Variants in DGAT2 observed in about 807,000 individuals in gnomAD.
DGAT2 encodes diacylglycerol O-acyltransferase 2.
Under a neutral mutation model 48.4 loss-of-function variants are expected in DGAT2, and 33 were observed. The observed-to-expected ratio is 0.68, with a 90% CI of 0.52 to 0.91. The LOEUF is 0.91. Among genes scored for constraint, DGAT2 ranks in the 40% least tolerant of loss-of-function variants. The probability of loss-of-function intolerance (pLI) is 0.00; values close to 1 mark genes in which losing one functional copy is unlikely to be tolerated. For missense variants in DGAT2, 446 were observed against 493.7 expected (o/e 0.90, Z 0.92); for synonymous variants, 191 against 194.1 (o/e 0.98, Z 0.13).
At chr11:75,778,493 C>A (rs944327351) in intron 1 of DGAT2, among the ~76,000 whole-genome samples, 2 of 152,186 alleles carry the variant, frequency 1.3e-5, no homozygotes, top group South Asian at 4.1e-4. Context: ...CCAGTAGCCA[C>A]CACTTAATCA....
rs147620761 is a variant in DGAT2 at position 75,797,188 on chromosome 11, A to C, written c.665A>C (p.Asp222Ala). 7 of 1,544,132 alleles carry C rather than the reference A, an allele frequency of 4.5e-6. No individual in the cohort carries two copies. The highest frequency in any genetic ancestry group is 2.8e-5 in the African/African-American group (2 of 72,018). Residue 222 changes from aspartate to alanine, a missense_variant, in exon 6 of 8, where the codon GAC (aspartate) becomes GCC (alanine). Physicochemically the swap from Asp to Ala is moderately radical, Grantham distance 126. Transcript: ENST00000228027. Reference protein sequence around the residue: ...GICPVSRDTIDYLLSKNGSGN... With the variant: ...GICPVSRDTIAYLLSKNGSGN... ...TGCCCTGTCAGCCGGGACACCATAG[A>C]CTATTTGCTTTCAAAGAATGGGAGT...
intron 1 of DGAT2, among the ~76,000 whole-genome samples, chr11:75,777,712 G>C (rs977636845): frequency 1.3e-5 from 2 of 152,140 alleles, no homozygotes; most frequent in Admixed American, 1.3e-4. Context: ...TGCCAGTATG[G>C]AGGTGAGGTG....
chr11:75,790,245 C>T lies in DGAT2; in HGVS notation c.308C>T (p.Ala103Val), dbSNP rs1944971518. Residue 103 changes from alanine (A) to valine (V), a missense_variant, in exon 3 of 8, where the codon GCT becomes GTT. By Grantham distance (64) the Ala-to-Val change is moderately conservative. Transcript: ENST00000228027. ...TTCTGCACTGATTGCTGGCTCATCG[C>T]TGTGCTCTACTTCACTTGGCTGGTG... is the stretch of plus-strand genomic sequence containing the variant. ...YIFCTDCWLI[A>V]VLYFTWLVFD... The T allele has an allele frequency of 6.2e-7, 1 of 1,614,094 alleles. No individual in the cohort carries two copies. The highest frequency in any genetic ancestry group is 8.5e-7 in the Non-Finnish European group (1 of 1,180,034).
At chr11:75,793,930 A>G (rs1055453374) in intron 4 of DGAT2, 3 of 152,246 alleles carry the variant, frequency 2.0e-5, no homozygotes, top group Non-Finnish European at 4.4e-5. Flanking sequence ...AACAGAGCTC[A>G]TGTAAACGAG....
Position 75,800,572 on chromosome 11 carries a change from T to C in DGAT2, c.*64T>C. 6.4e-7 allele frequency: 1 copy of C among 1,566,068 alleles called. No homozygotes were observed. Among genetic ancestry groups the C allele is most frequent in the Non-Finnish European group, 8.7e-7 (1 of 1,154,394 alleles). ...CAAATCACTTTTTTGCTCTGTAAATTTGGAAGTGTCATGGGTGTCTGTGGG... is the reference window on the plus strand; with the variant it reads ...CAAATCACTTTTTTGCTCTGTAAATCTGGAAGTGTCATGGGTGTCTGTGGG... On this transcript the variant is annotated 3_prime_UTR_variant, in exon 8 of 8. Coordinates refer to ENST00000228027, the MANE Select transcript of DGAT2 (RefSeq NM_032564.5).
At chr11:75,784,568 A>G (rs1944900608) in intron 1 of DGAT2, 50 bp from the exon 2 acceptor site, 2 of 1,608,400 alleles carry the variant, frequency 1.2e-6, no homozygotes, top group Admixed American at 1.7e-5. Flanking sequence ...TGGGGACCCC[A>G]TGACTGGAGA....
At chr11:75,788,399 T>C (rs1288481966) in intron 2 of DGAT2, among the ~76,000 whole-genome samples, 2 of 152,218 alleles carry the variant, frequency 1.3e-5, no homozygotes, top group East Asian at 3.8e-4. Flanking sequence ...GAAACTTGTC[T>C]TCCCTTCTGC....
At chr11:75,799,819 T>C (rs1267261460) in intron 7 of DGAT2, among the ~76,000 whole-genome samples, 1 of 152,000 alleles carries the variant, frequency 6.6e-6, no homozygotes, top group Non-Finnish European at 1.5e-5. Flanking sequence ...ATTTTCACCA[T>C]GTTACCCAGG....
At chr11:75,784,169 A>G (rs1367945379) in intron 1 of DGAT2, among the ~76,000 whole-genome samples, 1 of 152,170 alleles carries the variant, frequency 6.6e-6, no homozygotes, top group Admixed American at 6.5e-5. Context: ...TTGGAGAAAA[A>G]AAACCATTGC....
chr11:75,793,885 C>T (rs568417892), intron 4 of DGAT2: 71 of 151,508 alleles, frequency 4.7e-4, no homozygotes, highest in African/African-American at 1.6e-3. Flanking sequence ...GTGGGCAGAC[C>T]TGCTTGTTAG....
chr11:75,786,549 AG>A (rs1944924707), intron 2 of DGAT2, among the ~76,000 whole-genome samples: 1 of 152,210 alleles, frequency 6.6e-6, no homozygotes, highest in Admixed American at 6.5e-5. Context: ...CCCAGGCTAT[AG>A]GTTAATAATT....
intron 6 of DGAT2, among the ~76,000 whole-genome samples, 155 bp from the exon 7 acceptor site, chr11:75,798,072 G>A (rs539677879): frequency 2.0e-5 from 3 of 152,170 alleles, no homozygotes; most frequent in Non-Finnish European, 4.4e-5. Flanking sequence ...TCAGAACCTG[G>A]TAGAGAGGGA....
chr11:75,797,268 C>T lies in DGAT2; in HGVS notation c.745C>T (p.Pro249Ser). Reference sequence around the variant, plus strand: ...TGCGGCTGAGTCTCTGAGCTCCATGCCTGGCAAGAATGCAGTCACCCTGCG... The same window carrying T: ...TGCGGCTGAGTCTCTGAGCTCCATGTCTGGCAAGAATGCAGTCACCCTGCG... ...GGAAESLSSMPGKNAVTLRNR... is the reference protein window; with the variant it reads ...GGAAESLSSMSGKNAVTLRNR... The change falls in exon 6 of 8, where the codon CCT becomes TCT. Residue 249 changes from proline (P) to serine (S), a missense_variant. Physicochemically the swap from Pro to Ser is moderately conservative, Grantham distance 74. Transcript: ENST00000228027. The T allele has an allele frequency of 1.3e-6, 2 of 1,576,804 alleles. No homozygotes were observed. Among genetic ancestry groups the T allele is most frequent in the Non-Finnish European group, 1.7e-6 (2 of 1,161,634 alleles).
chr11:75,799,397 C>G (rs1590878323), intron 7 of DGAT2, among the ~76,000 whole-genome samples: 1 of 151,906 alleles, frequency 6.6e-6, no homozygotes, highest in South Asian at 2.1e-4. Flanking sequence ...CGAGACCAGC[C>G]CAGAGACTGT....
intron 1 of DGAT2, among the ~76,000 whole-genome samples, chr11:75,774,723 A>G (rs1017462875): frequency 6.6e-6 from 1 of 152,174 alleles, no homozygotes; most frequent in Non-Finnish European, 1.5e-5. Context: ...ACTTGGGGCC[A>G]AGGTAAGTGC....
chr11:75,797,131 G>T, intron 5 of DGAT2, 27 bp from the exon 6 acceptor site: 1 of 1,457,428 alleles, frequency 6.9e-7, no homozygotes, highest in South Asian at 1.5e-5. Context: ...GGGCAACCCT[G>T]ACTGTTGCGT....
intron 1 of DGAT2, among the ~76,000 whole-genome samples, chr11:75,779,916 C>G (rs1944842123): frequency 6.6e-6 from 1 of 152,220 alleles, no homozygotes; most frequent in Non-Finnish European, 1.5e-5. Context: ...CTATAGCTGC[C>G]TCTGAGGCTG....
At chr11:75,781,594 C>G (rs1162423767) in intron 1 of DGAT2, among the ~76,000 whole-genome samples, 1 of 152,232 alleles carries the variant, frequency 6.6e-6, no homozygotes, top group Non-Finnish European at 1.5e-5. Context: ...TTAGAGCTCA[C>G]CACCTTGCAG....
intron 5 of DGAT2, chr11:75,796,935 T>C (rs1945062913): frequency 4.1e-6 from 2 of 484,290 alleles, no homozygotes; most frequent in South Asian, 3.8e-5. Context: ...GCCAAATGCA[T>C]GAGTTCCCAA....
Sources: allele counts gnomAD v4.1 joint callset (sites outside exome capture counted in the v4.1 genomes callset), GRCh38; gene constraint gnomAD v4.1.1; transcripts MANE v1.5; gene names NCBI Gene and HGNC (gene_info 2026-07-23, HGNC 2026-07-21).